Variants in CDH12 observed in about 807,000 individuals in gnomAD.
CDH12 encodes the protein cadherin 12.
A neutral mutation model predicts 74.1 loss-of-function variants in CDH12; 41 were observed. The observed-to-expected ratio is 0.55, with a 90% CI of 0.43 to 0.72. CDH12 has a LOEUF of 0.72. Among genes scored for constraint, CDH12 ranks in the 30% least tolerant of loss-of-function variants. CDH12 has a pLI of 0.00. For missense variants in CDH12, 945 were observed against 977.2 expected, an observed-to-expected ratio of 0.97 and a Z score of 0.44; for synonymous variants, 399 against 355.0, an observed-to-expected ratio of 1.12 and a Z score of -1.39.
At chr5:21,884,385 C>T in intron 6 of CDH12, 1 of 1,005,666 alleles carries the variant, frequency 9.9e-7, no homozygotes, top group Non-Finnish European at 1.6e-6. Context: ...TCACCAATAA[C>T]TTCAGAGAAG....
At chr5:22,302,553 A>G (rs1368062755) in intron 3 of CDH12, among the ~76,000 whole-genome samples, 1 of 152,156 alleles carries the variant, frequency 6.6e-6, no homozygotes, top group Non-Finnish European at 1.5e-5. Flanking sequence ...TCTTCAAAGT[A>G]GGGAATGCAA....
chr5:21,871,573 AAT>A (rs1275832456), intron 6 of CDH12, among the ~76,000 whole-genome samples: 1 of 152,062 alleles, frequency 6.6e-6, no homozygotes, highest in African/African-American at 2.4e-5. Context: ...CTCTACTAAA[AAT>A]ACAAAAAATT....
chr5:21,880,647 C>CTTTCTTTCTT (rs2150032035), intron 6 of CDH12, among the ~76,000 whole-genome samples: 1 of 119,896 alleles, frequency 8.3e-6, no homozygotes, highest in South Asian at 2.8e-4. Flanking sequence ...TTCTTTCTTT[C>CTTTCTTTCTT]TTTCTTTCTT....
chr5:21,825,748 G>C (rs948069241), intron 8 of CDH12, among the ~76,000 whole-genome samples: 2 of 152,102 alleles, frequency 1.3e-5, no homozygotes, highest in African/African-American at 4.8e-5. Flanking sequence ...CAACACTCTT[G>C]GCTATTCCCT....
intron 4 of CDH12, among the ~76,000 whole-genome samples, chr5:22,198,139 G>T (rs1235927930): frequency 6.6e-6 from 1 of 152,154 alleles, no homozygotes; most frequent in Non-Finnish European, 1.5e-5. Flanking sequence ...AAATATCATA[G>T]TGTGCGTCTG....
At chr5:22,804,716 A>G (rs1377053380) in intron 1 of CDH12, among the ~76,000 whole-genome samples, 1 of 152,216 alleles carries the variant, frequency 6.6e-6, no homozygotes, top group Non-Finnish European at 1.5e-5. Flanking sequence ...CCAGACCAAC[A>G]AAATACCTTT....
chr5:22,701,939 C>T (rs1452416647), intron 1 of CDH12, among the ~76,000 whole-genome samples: 1 of 152,140 alleles, frequency 6.6e-6, no homozygotes, highest in Non-Finnish European at 1.5e-5. Context: ...AAAATCCCTG[C>T]TTTATTTCTT....
chr5:22,583,454 T>C (rs571863932), intron 1 of CDH12, among the ~76,000 whole-genome samples: 1 of 152,352 alleles, frequency 6.6e-6, no homozygotes, highest in South Asian at 2.1e-4. Flanking sequence ...GATAGTTTTT[T>C]ATTGACCACA....
chr5:22,775,042 T>C (rs985488840), intron 1 of CDH12, among the ~76,000 whole-genome samples: 1 of 151,090 alleles, frequency 6.6e-6, no homozygotes, highest in Non-Finnish European at 1.5e-5. Flanking sequence ...TCTATATATA[T>C]GTGAAATACA....
intron 2 of CDH12, among the ~76,000 whole-genome samples, chr5:22,427,155 T>A (rs1046334876): frequency 6.6e-6 from 1 of 152,248 alleles, no homozygotes; most frequent in South Asian, 2.1e-4. Flanking sequence ...AACCCTATAC[T>A]TTTAGAGAAT....
intron 3 of CDH12, among the ~76,000 whole-genome samples, chr5:22,353,064 A>G (rs923469190): frequency 2.6e-5 from 4 of 152,180 alleles, no homozygotes; most frequent in Non-Finnish European, 5.9e-5. Flanking sequence ...CTGGATTACC[A>G]TGACACAATT....
chr5:22,619,701 C>T (rs1435145049), intron 1 of CDH12, among the ~76,000 whole-genome samples: 1 of 151,526 alleles, frequency 6.6e-6, no homozygotes, highest in East Asian at 2.0e-4. Context: ...ACATTGAGCC[C>T]TACTGCAAGT....
At chr5:21,987,770 A>G (rs1489434497) in intron 5 of CDH12, among the ~76,000 whole-genome samples, 1 of 152,190 alleles carries the variant, frequency 6.6e-6, no homozygotes, top group Non-Finnish European at 1.5e-5. Context: ...CGTTATCTCA[A>G]ATGTTTACAC....
intron 11 of CDH12, among the ~76,000 whole-genome samples, chr5:21,766,938 G>A (rs1745059283): frequency 6.6e-6 from 1 of 151,852 alleles, no homozygotes; most frequent in Admixed American, 6.6e-5. Flanking sequence ...TAAGTCAAAA[G>A]TGGTAAGGCT....
chr5:22,742,746 T>C (rs2127020277), intron 1 of CDH12, among the ~76,000 whole-genome samples: 1 of 149,870 alleles, frequency 6.7e-6, no homozygotes, highest in Admixed American at 6.7e-5. Context: ...TTTACTATGT[T>C]ATATATTAAT....
intron 1 of CDH12, among the ~76,000 whole-genome samples, chr5:22,839,082 A>G (rs1173151942): frequency 6.6e-6 from 1 of 152,182 alleles, no homozygotes; most frequent in Non-Finnish European, 1.5e-5. Flanking sequence ...TCTACTCAAT[A>G]TATTTGAAAG....
intron 6 of CDH12, among the ~76,000 whole-genome samples, chr5:21,879,186 A>C (rs1163265346): frequency 1.3e-5 from 2 of 152,192 alleles, no homozygotes; most frequent in Admixed American, 6.5e-5. Context: ...GCATGTTCAC[A>C]CTATAAAAAA....
chr5:22,607,156 G>A (rs937929572), intron 1 of CDH12, among the ~76,000 whole-genome samples: 34 of 152,262 alleles, frequency 2.2e-4, no homozygotes, highest in Admixed American at 8.5e-4. Flanking sequence ...CTGTCTGACC[G>A]TGAGGTAGAA....
chr5:22,470,519 A>G (rs1481248998), intron 2 of CDH12, among the ~76,000 whole-genome samples: 1 of 152,012 alleles, frequency 6.6e-6, no homozygotes, highest in Non-Finnish European at 1.5e-5. Flanking sequence ...CCTGAGCTCA[A>G]GCAATCTCCC....
Sources: allele counts gnomAD v4.1 joint callset (sites outside exome capture counted in the v4.1 genomes callset), GRCh38; gene constraint gnomAD v4.1.1; transcripts MANE v1.5; gene names NCBI Gene and HGNC (gene_info 2026-07-23, HGNC 2026-07-21).